ARHGAP31: variants seen among roughly 807,000 people sequenced by gnomAD.
The protein encoded by ARHGAP31 is Rho GTPase activating protein 31, also known as rho GTPase-activating protein 31.
In ARHGAP31, 34 loss-of-function variants were observed where a neutral mutation model predicts 113.9. That is an observed-to-expected ratio of 0.30 (90% CI 0.23 to 0.40). The LOEUF (loss-of-function observed/expected upper bound fraction) is 0.40. Ranked by LOEUF, ARHGAP31 falls within the 10% of genes least tolerant of loss-of-function variation. The probability of loss-of-function intolerance (pLI) is 1.00; values close to 1 mark genes in which losing one functional copy is unlikely to be tolerated. For missense variants in ARHGAP31, 1,548 were observed against 1,767.1 expected (o/e 0.88, Z 2.22); for synonymous variants, 650 against 684.8 (o/e 0.95, Z 0.79).
At chr3:119,342,766 A>T (rs935918207) in intron 1 of ARHGAP31, among the ~76,000 whole-genome samples, 2 of 152,158 alleles carry the variant, frequency 1.3e-5, no homozygotes, top group Admixed American at 1.3e-4. Flanking sequence ...CCTGACCAAC[A>T]TGGAGAAACC....
At chr3:119,372,563 G>A (rs763515217) in intron 3 of ARHGAP31, among the ~76,000 whole-genome samples, 10 of 152,220 alleles carry the variant, frequency 6.6e-5, no homozygotes, top group Middle Eastern at 3.4e-3. Flanking sequence ...GATTACAGGC[G>A]TGAACCACCG....
At chr3:119,376,264 G>A (rs1213239815) in intron 3 of ARHGAP31, among the ~76,000 whole-genome samples, 3 of 152,154 alleles carry the variant, frequency 2.0e-5, no homozygotes, top group Non-Finnish European at 2.9e-5. Flanking sequence ...TGAGGTGGGC[G>A]GATCACTTGA....
intron 1 of ARHGAP31, among the ~76,000 whole-genome samples, chr3:119,347,622 A>G (rs1260107662): frequency 3.3e-5 from 5 of 152,146 alleles, no homozygotes; most frequent in African/African-American, 1.2e-4. Context: ...TTCAGTCTCC[A>G]TTTGAACCCT....
rs753589775 is a variant in ARHGAP31, at chr3:119,415,318, C to T, written c.3389C>T (p.Pro1130Leu). The change falls in exon 12 of 12, where the codon CCT becomes CTT. Residue 1130 changes from proline to leucine, a missense_variant. Coordinates refer to ENST00000264245, the MANE Select transcript of ARHGAP31 (RefSeq NM_020754.4). ...GAGAATGTGGCCTCATTTAGTTCAC[C>T]TGGAATGCAGGTCTCTGAGCCAGGA... is the stretch of plus-strand genomic sequence containing the variant. Reference protein sequence around the residue: ...WFENVASFSSPGMQVSEPGDP... With the variant: ...WFENVASFSSLGMQVSEPGDP... 6.2e-7 allele frequency: 1 copy of T among 1,614,152 alleles called. No homozygotes were observed. Among genetic ancestry groups the T allele is most frequent in the East Asian group, 2.2e-5 (1 of 44,882 alleles).
chr3:119,334,177 G>A (rs2079920873), intron 1 of ARHGAP31, among the ~76,000 whole-genome samples: 1 of 152,120 alleles, frequency 6.6e-6, no homozygotes, highest in African/African-American at 2.4e-5. Flanking sequence ...TTCCCTTAGT[G>A]GTGTCCCTGA....
chr3:119,390,718 TG>T, intron 6 of ARHGAP31, 66 bp from the exon 7 acceptor site: 1 of 1,519,826 alleles, frequency 6.6e-7, no homozygotes, highest in Non-Finnish European at 9.0e-7. Context: ...GGACTGTGGA[TG>T]GGGAATCTGG....
chr3:119,295,130 ACTTTTTTTT>A (rs2079521714), intron 1 of ARHGAP31, 126 bp downstream of exon 1: 2 of 831,856 alleles, frequency 2.4e-6, no homozygotes, highest in South Asian at 1.6e-5. Flanking sequence ...CGCTCATTGC[ACTTTTTTTT>A]CTTTTTTTTT....
At chr3:119,322,325 T>TA (rs1356265198) in intron 1 of ARHGAP31, among the ~76,000 whole-genome samples, 1 of 152,204 alleles carries the variant, frequency 6.6e-6, no homozygotes, top group Admixed American at 6.5e-5. Context: ...GAATTTATCT[T>TA]AGACATAAAT....
intron 1 of ARHGAP31, among the ~76,000 whole-genome samples, chr3:119,344,578 G>A (rs775174767): frequency 6.6e-6 from 1 of 152,198 alleles, no homozygotes; most frequent in Admixed American, 6.5e-5. Context: ...AATATTTATT[G>A]AGAGCTTATT....
intron 6 of ARHGAP31, among the ~76,000 whole-genome samples, chr3:119,384,839 C>G (rs2107632922): frequency 6.6e-6 from 1 of 152,240 alleles, no homozygotes; most frequent in African/African-American, 2.4e-5. Context: ...CAGGCCCTGG[C>G]AACCACTAAT....
chr3:119,412,316 A>C (rs1027051049), intron 11 of ARHGAP31, among the ~76,000 whole-genome samples: 1 of 151,778 alleles, frequency 6.6e-6, no homozygotes, highest in Non-Finnish European at 1.5e-5. Flanking sequence ...TGAACCCGGG[A>C]GGAGGAGGTT....
chr3:119,352,913 TCAC>T (rs757876733), intron 1 of ARHGAP31, among the ~76,000 whole-genome samples: 6 of 152,208 alleles, frequency 3.9e-5, no homozygotes, highest in Non-Finnish European at 7.3e-5. Flanking sequence ...TTCCTGGAAT[TCAC>T]CACATTATTT....
At chr3:119,334,988 A>G (rs1559970634) in intron 1 of ARHGAP31, among the ~76,000 whole-genome samples, 1 of 152,218 alleles carries the variant, frequency 6.6e-6, no homozygotes, top group African/African-American at 2.4e-5. Flanking sequence ...CAGTAGGAAG[A>G]CAATGGAGAT....
intron 1 of ARHGAP31, among the ~76,000 whole-genome samples, chr3:119,325,630 G>A (rs2079834230): frequency 9.2e-6 from 1 of 108,858 alleles, no homozygotes; most frequent in Non-Finnish European, 1.7e-5. Flanking sequence ...GTATACCCAA[G>A]AATCCACCTG....
At position 119,327,185 on chromosome 3, in the gene ARHGAP31, T is replaced by A. The variant is rs537388321; in HGVS notation, c.100+32181T>A. ...AAACCACAGCAAAAAAAACTCATGGTCACTTTCTCAGTGGGACTCCCTTTA... is the reference window on the plus strand; with the variant it reads ...AAACCACAGCAAAAAAAACTCATGGACACTTTCTCAGTGGGACTCCCTTTA... On this transcript the variant is annotated intron_variant, in intron 1 of 11. Transcript: ENST00000264245. Among the ~76,000 whole-genome samples, 47 of 151,938 alleles carry A rather than the reference T, an allele frequency of 3.1e-4. 1 individual carries two copies. In the South Asian group the frequency reaches 9.6e-3, roughly 31 times the overall value.
At chr3:119,395,780 C>T (rs951428602) in intron 8 of ARHGAP31, among the ~76,000 whole-genome samples, 2 of 152,078 alleles carry the variant, frequency 1.3e-5, no homozygotes, top group South Asian at 2.1e-4. Context: ...GAGCTATGTG[C>T]GAAGGGCAGA....
At chr3:119,350,212 GC>G (rs1398694949) in intron 1 of ARHGAP31, among the ~76,000 whole-genome samples, 1 of 152,170 alleles carries the variant, frequency 6.6e-6, no homozygotes, top group East Asian at 1.9e-4. Flanking sequence ...GGAAAGAGAG[GC>G]CTGGTAACAA....
intron 1 of ARHGAP31, among the ~76,000 whole-genome samples, chr3:119,354,843 A>T (rs1229936929): frequency 6.6e-6 from 1 of 150,404 alleles, no homozygotes. Context: ...GACATTCTGT[A>T]CTCTATATTT....
rs376394291 is a variant in ARHGAP31, at chr3:119,415,427, C to T, written c.3498C>T (p.Asp1166=). Residue 1166 remains aspartate (D), a synonymous_variant, in exon 12 of 12, where the codon GAC becomes GAT. Coordinates refer to ENST00000264245, the MANE Select transcript of ARHGAP31 (RefSeq NM_020754.4). ...ACTCCCAGGACCCCCAGGACCTGGA[C>T]ATTGTTGCTCATGCACTGACAGGCC... The part of the protein sequence containing the change: ...RVYSQDPQDL[D]IVAHALTGRR... The T allele has an allele frequency of 1.9e-6, 3 of 1,613,918 alleles. No individual in the cohort carries two copies. The highest frequency in any genetic ancestry group is 2.5e-6 in the Non-Finnish European group (3 of 1,180,044).
Sources: gnomAD v4.1 joint callset for allele counts (sites outside exome capture counted in the v4.1 genomes callset) on GRCh38, gnomAD v4.1.1 for gene constraint, MANE v1.5 for transcripts, NCBI Gene and HGNC (gene_info 2026-07-23, HGNC 2026-07-21) for gene names.